Variants in MAPK10 observed in about 807,000 individuals in gnomAD.
MAPK10 encodes JNK3 alpha protein kinase.
A neutral mutation model predicts 59.3 loss-of-function variants in MAPK10; 25 were observed. The observed-to-expected ratio is 0.42, with a 90% CI of 0.31 to 0.59. MAPK10 has a LOEUF of 0.59. MAPK10 is among the 20% of genes least tolerant of loss of function. The probability of loss-of-function intolerance (pLI) is 0.15; values close to 1 mark genes in which losing one functional copy is unlikely to be tolerated. For missense variants in MAPK10, 351 were observed against 568.9 expected (o/e 0.62, Z 3.90); for synonymous variants, 190 against 200.5 (o/e 0.95, Z 0.44).
chr4:86,469,133 G>A (rs1428489741), intron 1 of MAPK10, among the ~76,000 whole-genome samples: 1 of 151,834 alleles, frequency 6.6e-6, no homozygotes, highest in East Asian at 1.9e-4. Context: ...GTTGCCATTA[G>A]AATTGTGATC....
intron 4 of MAPK10, among the ~76,000 whole-genome samples, chr4:86,142,428 T>A (rs958758571): frequency 6.6e-6 from 1 of 152,104 alleles, no homozygotes; most frequent in African/African-American, 2.4e-5. Flanking sequence ...GATTCATTCA[T>A]CATTCATTCA....
chr4:86,428,589 CAGATAGAT>C lies in MAPK10; in HGVS notation c.-122+24433_-122+24440del, dbSNP rs777674923. Among the ~76,000 whole-genome samples, 4 of 152,020 alleles carry C rather than the reference CAGATAGAT, an allele frequency of 2.6e-5. No homozygotes were observed. The East Asian group carries it at 5.8e-4, about 22-fold the overall frequency. ...ATAGATAGATAGATAGACAGATAGA[CAGATAGAT>C]AGACAACTTTTCTCATTTTTTGACT... is the stretch of plus-strand genomic sequence containing the variant. On this transcript the variant is annotated intron_variant, in intron 1 of 13. Transcript: ENST00000361569.
intron 1 of MAPK10, among the ~76,000 whole-genome samples, chr4:86,562,376 C>T (rs1331007816): frequency 6.6e-6 from 1 of 152,084 alleles, no homozygotes; most frequent in Non-Finnish European, 1.5e-5. Context: ...ACATCAGATG[C>T]CAATCTACTC....
At chr4:86,279,268 G>GT (rs1563921671) in intron 2 of MAPK10, among the ~76,000 whole-genome samples, 1 of 152,048 alleles carries the variant, frequency 6.6e-6, no homozygotes, top group Non-Finnish European at 1.5e-5. Context: ...TTGATTTGTT[G>GT]TTTTCTCTTT....
At chr4:86,025,385 T>C in intron 13 of MAPK10, 4 of 395,680 alleles carry the variant, frequency 1.0e-5, no homozygotes, top group Non-Finnish European at 1.8e-5. Flanking sequence ...TATTTTCATG[T>C]AGGCAATAAA....
chr4:86,491,657 C>T (rs577894536), intron 1 of MAPK10, among the ~76,000 whole-genome samples: 1 of 152,140 alleles, frequency 6.6e-6, no homozygotes. Context: ...TAGGTCCATT[C>T]GGGATATCAG....
At chr4:86,057,839 G>T (rs2044919882) in intron 11 of MAPK10, among the ~76,000 whole-genome samples, 1 of 149,936 alleles carries the variant, frequency 6.7e-6, no homozygotes, top group African/African-American at 2.5e-5. Flanking sequence ...AAAGTGAAAA[G>T]TTCTTTCCTA....
chr4:86,360,128 C>T (rs1007459734), upstream of MAPK10: 77 of 985,626 alleles, frequency 7.8e-5, no homozygotes, highest in South Asian at 1.0e-3. Context: ...GCACACATGA[C>T]GTCAAAGCCC....
At chr4:86,101,247 A>C (rs1580258768) in intron 7 of MAPK10, 30 bp from the exon 8 acceptor site, 1 of 1,570,752 alleles carries the variant, frequency 6.4e-7, no homozygotes, top group African/African-American at 1.4e-5. Flanking sequence ...AAAAAATTAA[A>C]AGCCAGTATC....
At chr4:86,555,389 T>C (rs1760184124) in intron 1 of MAPK10, among the ~76,000 whole-genome samples, 1 of 152,152 alleles carries the variant, frequency 6.6e-6, no homozygotes. Flanking sequence ...GAGGTTGCAG[T>C]AAGCCAAGAT....
chr4:86,123,579 T>C (rs942935318), intron 4 of MAPK10: 2 of 152,012 alleles, frequency 1.3e-5, no homozygotes, highest in Non-Finnish European at 2.9e-5. Context: ...CATAACCAAG[T>C]GTCAGCATGA....
Position 86,577,905 on chromosome 4 carries a change from G to A in MAPK10, c.-263+16005C>T, listed in dbSNP as rs560037025. 3.9e-5 allele frequency among the ~76,000 whole-genome samples: 6 copies of A among 152,228 alleles called. No homozygotes were observed. In the South Asian group the frequency reaches 1.2e-3, roughly 32 times the overall value. The stretch of plus-strand genomic sequence containing the variant: ...TAGAATATTTATTGTGGTCTAGGCA[G>A]TAAGTGCTTCACAAATACTATCCAT... On this transcript the variant is annotated intron_variant, in intron 1 of 4. Coordinates refer to the MAPK10 transcript ENST00000502302.
In MAPK10 at chr4:86,205,008, G is replaced by A. The variant is rs1016093300; in HGVS notation, c.-6-10601C>T. Among the ~76,000 whole-genome samples, 13 of 151,948 alleles carry A rather than the reference G, an allele frequency of 8.6e-5. No homozygotes were observed. The Middle Eastern group carries it at 0.01, about 120-fold the overall frequency. ...TCTACAATAACCGTAAAACCCAAAA[G>A]GCAGTGAAAAGCAGTAAAAGTGAGA... On this transcript the variant is annotated intron_variant, in intron 2 of 13. Coordinates refer to ENST00000641462, the MANE Select transcript of MAPK10 (RefSeq NM_138982.4).
intron 3 of MAPK10, among the ~76,000 whole-genome samples, chr4:86,169,784 G>A (rs1477075059): frequency 7.9e-5 from 12 of 151,372 alleles, no homozygotes; most frequent in African/African-American, 9.7e-5. Flanking sequence ...AAGTTGAAAT[G>A]AAGGAAAAAA....
At chr4:86,136,130 A>C (rs1455844203) in intron 4 of MAPK10, among the ~76,000 whole-genome samples, 1 of 152,238 alleles carries the variant, frequency 6.6e-6, no homozygotes, top group Admixed American at 6.5e-5. Context: ...TATCCAGGAG[A>C]ACTTCCCCAG....
chr4:86,443,697 A>G (rs144429665), intron 1 of MAPK10, among the ~76,000 whole-genome samples: 1 of 152,302 alleles, frequency 6.6e-6, no homozygotes, highest in Non-Finnish European at 1.5e-5. Flanking sequence ...TACACAGTAC[A>G]TCACGTCCAC....
At chr4:86,155,635 G>A (rs2067547733) in intron 4 of MAPK10, among the ~76,000 whole-genome samples, 1 of 152,024 alleles carries the variant, frequency 6.6e-6, no homozygotes, top group African/African-American at 2.4e-5. Context: ...AAGCACGGTA[G>A]GGGATTCACA....
chr4:86,399,359 T>C (rs1286292505), intron 1 of MAPK10, among the ~76,000 whole-genome samples: 1 of 152,228 alleles, frequency 6.6e-6, no homozygotes, highest in Non-Finnish European at 1.5e-5. Flanking sequence ...TGACTAATGA[T>C]GTTGAGCTTA....
chr4:86,232,290 G>C (rs17011564), intron 2 of MAPK10, among the ~76,000 whole-genome samples: 41,796 of 152,098 alleles, frequency 0.27, 6,983 homozygotes, highest in African/African-American at 0.47. Context: ...GCAGATGCAA[G>C]CACCAAGGTA....
Sources: gnomAD v4.1 joint callset for allele counts (sites outside exome capture counted in the v4.1 genomes callset) on GRCh38, gnomAD v4.1.1 for gene constraint, MANE v1.5 for transcripts, NCBI Gene and HGNC (gene_info 2026-07-23, HGNC 2026-07-21) for gene names.